Variants in ZFPM2 observed in about 807,000 individuals in gnomAD.
ZFPM2 encodes zinc finger protein, FOG family member 2, also known as zinc finger protein ZFPM2.
In ZFPM2, 20 loss-of-function variants were observed where a neutral mutation model predicts 98.6. That is an observed-to-expected ratio of 0.20 (90% CI 0.14 to 0.29). ZFPM2 has a LOEUF of 0.29. Among genes scored for constraint, ZFPM2 ranks in the 10% least tolerant of loss-of-function variants. The pLI, the probability that ZFPM2 is intolerant of heterozygous loss-of-function variation, is 1.00. For synonymous variants in ZFPM2, 518 were observed against 502.7 expected (o/e 1.03, Z -0.41); for missense variants, 1,310 against 1,388.6 (o/e 0.94, Z 0.90).
At chr8:105,494,368 CTT>C (rs1813420175) in intron 3 of ZFPM2, among the ~76,000 whole-genome samples, 1 of 151,590 alleles carries the variant, frequency 6.6e-6, no homozygotes, top group Non-Finnish European at 1.5e-5. Flanking sequence ...ATCCTCGACT[CTT>C]GGGTACCTCC....
At chr8:105,572,074 G>T (rs547657514) in intron 4 of ZFPM2, among the ~76,000 whole-genome samples, 2 of 123,566 alleles carry the variant, frequency 1.6e-5, no homozygotes, top group Admixed American at 2.2e-4. Flanking sequence ...GTCTGGCTCT[G>T]TCGCCCAGGC....
intron 3 of ZFPM2, among the ~76,000 whole-genome samples, chr8:105,482,939 C>T (rs1813150387): frequency 7.5e-6 from 1 of 132,668 alleles, no homozygotes. Context: ...CTTTCCCCTT[C>T]TCTTCCTTTC....
chr8:105,474,900 T>TC (rs1385510503), intron 3 of ZFPM2, among the ~76,000 whole-genome samples: 1 of 152,120 alleles, frequency 6.6e-6, no homozygotes, highest in East Asian at 1.9e-4. Context: ...CAGGCCTATC[T>TC]CCCTCTGGGA....
chr8:105,686,474 T>C (rs941953890), intron 5 of ZFPM2, among the ~76,000 whole-genome samples: 8 of 152,134 alleles, frequency 5.3e-5, no homozygotes, highest in African/African-American at 1.9e-4. Context: ...TTTAAGTTCA[T>C]GTGAGGGCAT....
At chr8:105,375,293 GC>G (rs759550057) in intron 1 of ZFPM2, among the ~76,000 whole-genome samples, 1 of 152,146 alleles carries the variant, frequency 6.6e-6, no homozygotes, top group Non-Finnish European at 1.5e-5. Flanking sequence ...GATGGAAAGA[GC>G]CCTAAGACTA....
intron 4 of ZFPM2, among the ~76,000 whole-genome samples, chr8:105,621,477 G>A (rs1816545417): frequency 6.6e-6 from 1 of 152,102 alleles, no homozygotes; most frequent in African/African-American, 2.4e-5. Flanking sequence ...TGCAAACAGG[G>A]TCAATTTGAC....
intron 5 of ZFPM2, among the ~76,000 whole-genome samples, chr8:105,655,513 CA>C (rs1407550622): frequency 6.6e-6 from 1 of 152,084 alleles, no homozygotes; most frequent in Non-Finnish European, 1.5e-5. Flanking sequence ...TTACAGGCAT[CA>C]GCCACCACCC....
Position 105,803,178 on chromosome 8 carries a change from G to C in ZFPM2, c.3096G>C (p.Leu1032=), listed in dbSNP as rs1814094110. 1 of 1,613,820 alleles carries C rather than the reference G, an allele frequency of 6.2e-7. No individual in the cohort carries two copies. Among genetic ancestry groups the C allele is most frequent in the Non-Finnish European group, 8.5e-7 (1 of 1,179,804 alleles). The part of the protein sequence containing the change: ...NGCAALKKDS[L]PLLPKNRGMV... ...GTGCTGCGCTGAAGAAAGATTCTCT[G>C]CCATTGTTGCCCAAAAATCGAGGAA... is the stretch of plus-strand genomic sequence containing the variant. The change falls in exon 8 of 8, where the codon CTG becomes CTC. Residue 1032 remains leucine, a synonymous_variant. Transcript: ENST00000407775.
intron 5 of ZFPM2, among the ~76,000 whole-genome samples, chr8:105,738,507 A>G (rs1438933830): frequency 6.6e-6 from 1 of 152,108 alleles, no homozygotes. Context: ...TTTATGATGA[A>G]ACAATTTATA....
chr8:105,763,290 G>A (rs1812776816), intron 5 of ZFPM2, among the ~76,000 whole-genome samples: 1 of 151,652 alleles, frequency 6.6e-6, no homozygotes, highest in African/African-American at 2.4e-5. Flanking sequence ...GGACAATAGA[G>A]GTCTGAAAGC....
At chr8:105,408,810 G>C (rs1043925680) in intron 1 of ZFPM2, among the ~76,000 whole-genome samples, 2 of 151,786 alleles carry the variant, frequency 1.3e-5, no homozygotes, top group African/African-American at 2.4e-5. Flanking sequence ...GGAGCAGGAG[G>C]CACACCTATT....
At chr8:105,745,372 A>G (rs1812318621) in intron 5 of ZFPM2, among the ~76,000 whole-genome samples, 1 of 152,178 alleles carries the variant, frequency 6.6e-6, no homozygotes. Flanking sequence ...GCATGTATTT[A>G]CTGAAGTAAA....
intron 3 of ZFPM2, among the ~76,000 whole-genome samples, chr8:105,521,983 G>C (rs768070601): frequency 1.4e-4 from 21 of 152,312 alleles, no homozygotes; most frequent in South Asian, 1.0e-3. Flanking sequence ...TTATATAATA[G>C]TGTAAAAAAA....
At chr8:105,418,894 G>A in intron 1 of ZFPM2, 1 of 570,016 alleles carries the variant, frequency 1.8e-6, no homozygotes, top group Non-Finnish European at 3.2e-6. Context: ...TTGGGGGTGG[G>A]GACGCAATGG....
At chr8:105,681,054 A>G (rs921724793) in intron 5 of ZFPM2, among the ~76,000 whole-genome samples, 2 of 152,224 alleles carry the variant, frequency 1.3e-5, no homozygotes, top group Non-Finnish European at 2.9e-5. Flanking sequence ...GTGGGTGTGA[A>G]AATATAATTT....
At chr8:105,563,229 G>T (rs1198125166) in intron 4 of ZFPM2, among the ~76,000 whole-genome samples, 1 of 152,168 alleles carries the variant, frequency 6.6e-6, no homozygotes, top group Non-Finnish European at 1.5e-5. Flanking sequence ...GTTATTACAT[G>T]AAAGAAATTG....
intron 3 of ZFPM2, among the ~76,000 whole-genome samples, chr8:105,482,260 AT>A (rs1239303143): frequency 2.6e-5 from 4 of 152,010 alleles, no homozygotes; most frequent in Admixed American, 6.5e-5. Context: ...CTTAATAGTG[AT>A]TTTTTTGGCT....
intron 1 of ZFPM2, among the ~76,000 whole-genome samples, chr8:105,372,873 C>T (rs114271235): frequency 0.01 from 1,546 of 151,470 alleles, 25 homozygotes; most frequent in African/African-American, 0.035. Context: ...GAAAGTTTCA[C>T]GATAATGATA....
intron 1 of ZFPM2, among the ~76,000 whole-genome samples, chr8:105,356,744 C>T (rs566950183): frequency 1.9e-4 from 29 of 152,262 alleles, no homozygotes; most frequent in Non-Finnish European, 2.8e-4. Flanking sequence ...CTCCTTCCCC[C>T]GACAGTTGAT....
Sources: gnomAD v4.1 joint callset for allele counts (sites outside exome capture counted in the v4.1 genomes callset) on GRCh38, gnomAD v4.1.1 for gene constraint, MANE v1.5 for transcripts, NCBI Gene and HGNC (gene_info 2026-07-23, HGNC 2026-07-21) for gene names.